CDKL3: variants seen among roughly 807,000 people sequenced by gnomAD.
CDKL3 encodes cyclin dependent kinase like 3, also known as cyclin-dependent kinase-like 3.
In CDKL3, 65 loss-of-function variants were observed where a neutral mutation model predicts 69.3. That is an observed-to-expected ratio of 0.94 (90% CI 0.77 to 1.15). The LOEUF (loss-of-function observed/expected upper bound fraction) is 1.15, where lower values mean the gene tolerates loss of function less well. Among genes scored for constraint, CDKL3 ranks in the 50% most tolerant of loss-of-function variants. The pLI is 0.00. For synonymous variants in CDKL3, 202 were observed against 221.6 expected (o/e 0.91, Z 0.79); for missense variants, 652 against 689.2 (o/e 0.95, Z 0.61).
downstream of CDKL3, chr5:134,298,193 C>G (rs1472347643): frequency 3.2e-5 from 30 of 935,042 alleles, no homozygotes; most frequent in Non-Finnish European, 3.7e-5. Flanking sequence ...CTCAGCCTCC[C>G]AAAGTGTTGG....
At chr5:134,303,675 C>CT (rs1441257267) in intron 11 of CDKL3, among the ~76,000 whole-genome samples, 1 of 151,278 alleles carries the variant, frequency 6.6e-6, no homozygotes. Flanking sequence ...GGAACCCCCC[C>CT]CCCGTCTCTA....
At chr5:134,360,349 C>T (rs1277305734) in intron 2 of CDKL3, among the ~76,000 whole-genome samples, 4 of 151,964 alleles carry the variant, frequency 2.6e-5, no homozygotes, top group Admixed American at 1.3e-4. Context: ...GGATTACAAG[C>T]GTGCACCACC....
chr5:134,350,141 T>C (rs1204355397), intron 4 of CDKL3, 108 bp downstream of exon 4: 24 of 816,118 alleles, frequency 2.9e-5, no homozygotes, highest in Non-Finnish European at 3.5e-5. Flanking sequence ...TGAGCCAAGA[T>C]TGCACCACTG....
chr5:134,337,992 G>T (rs1307802676), intron 4 of CDKL3, among the ~76,000 whole-genome samples: 2 of 152,046 alleles, frequency 1.3e-5, no homozygotes, highest in East Asian at 3.9e-4. Context: ...ACTTTTTGAA[G>T]ACCCCTCATA....
intron 4 of CDKL3, among the ~76,000 whole-genome samples, chr5:134,339,941 C>T (rs1331777473): frequency 6.6e-6 from 1 of 151,954 alleles, no homozygotes; most frequent in Non-Finnish European, 1.5e-5. Flanking sequence ...CACTTGAGTA[C>T]AGGAGTTTGA....
downstream of CDKL3, chr5:134,286,359 C>A: frequency 6.3e-6 from 1 of 159,200 alleles, no homozygotes; most frequent in East Asian, 1.9e-4. Flanking sequence ...TGGTCAAAGC[C>A]ATTCAACAAG....
At chr5:134,368,157 C>A (rs1757877310), upstream of CDKL3, among the ~76,000 whole-genome samples, 1 of 152,248 alleles carries the variant, frequency 6.6e-6, no homozygotes, top group East Asian at 1.9e-4. Flanking sequence ...CACCTCCACA[C>A]CCCTGCCCCA....
At position 134,308,373 on chromosome 5, in the gene CDKL3, C is replaced by CT; in HGVS notation, c.1128dup (p.Glu377ArgfsTer3). 1 of 1,613,840 alleles carries CT rather than the reference C, an allele frequency of 6.2e-7. No individual in the cohort carries two copies. The highest frequency in any genetic ancestry group is 8.5e-7 in the Non-Finnish European group (1 of 1,179,786). On this transcript the variant is annotated frameshift_variant, in exon 9 of 13. Coordinates refer to ENST00000265334, the MANE Select transcript of CDKL3 (RefSeq NM_001113575.2). LOFTEE classifies it high-confidence loss of function. ...TGTTGACCAAGTCCACCTTCATACT[C>CT]TTTCTTTTTTGGTTCTGAGATATCT...
chr5:134,323,606 T>C (rs746362743), intron 4 of CDKL3, among the ~76,000 whole-genome samples: 7 of 152,084 alleles, frequency 4.6e-5, no homozygotes, highest in Non-Finnish European at 7.4e-5. Flanking sequence ...ACAGAGGCAA[T>C]TGAATAATAA....
chr5:134,292,742 A>G (rs1407895864), intron 8 of CDKL3, among the ~76,000 whole-genome samples: 1 of 152,050 alleles, frequency 6.6e-6, no homozygotes, highest in Non-Finnish European at 1.5e-5. Flanking sequence ...ATTATCAATA[A>G]CAGGAATGAT....
At chr5:134,313,599 A>G (rs959036029) in intron 6 of CDKL3, among the ~76,000 whole-genome samples, 2 of 152,152 alleles carry the variant, frequency 1.3e-5, no homozygotes, top group African/African-American at 2.4e-5. Flanking sequence ...ATATAATATT[A>G]TGTTTCTGTT....
At chr5:134,297,724 G>C (rs1034867889), downstream of CDKL3, among the ~76,000 whole-genome samples, 26 of 151,488 alleles carry the variant, frequency 1.7e-4, no homozygotes, top group African/African-American at 6.1e-4. Context: ...TGGGATTACA[G>C]GCATGTGCCA....
At chr5:134,322,085 A>G (rs1392201167) in intron 4 of CDKL3, among the ~76,000 whole-genome samples, 182 bp from the exon 5 acceptor site, 10 of 152,060 alleles carry the variant, frequency 6.6e-5, no homozygotes, top group Non-Finnish European at 1.5e-4. Flanking sequence ...AAGTGCTGCA[A>G]TCTCAGCTCA....
At chr5:134,353,700 C>G in intron 3 of CDKL3, among the ~76,000 whole-genome samples, 1 of 152,152 alleles carries the variant, frequency 6.6e-6, no homozygotes, top group East Asian at 1.9e-4. Context: ...TACAGGACTA[C>G]GGGCATGCGC....
intron 3 of CDKL3, among the ~76,000 whole-genome samples, chr5:134,351,239 G>A (rs1319727929): frequency 6.6e-6 from 1 of 152,020 alleles, no homozygotes; most frequent in Non-Finnish European, 1.5e-5. Flanking sequence ...CTAAAACATA[G>A]GGTCCTTGTC....
intron 5 of CDKL3, among the ~76,000 whole-genome samples, chr5:134,320,087 A>C (rs748406071): frequency 1.5e-4 from 23 of 152,074 alleles, no homozygotes; most frequent in Non-Finnish European, 2.2e-4. Flanking sequence ...ATAGGATTAA[A>C]CCCCACCATC....
intron 2 of CDKL3, among the ~76,000 whole-genome samples, chr5:134,365,965 A>C (rs972885667): frequency 6.6e-6 from 1 of 152,132 alleles, no homozygotes; most frequent in African/African-American, 2.4e-5. Flanking sequence ...ATTCCTTGGC[A>C]TTTATTATGA....
At chr5:134,318,568 C>T (rs986303072) in intron 6 of CDKL3, among the ~76,000 whole-genome samples, 5 of 152,112 alleles carry the variant, frequency 3.3e-5, no homozygotes, top group Non-Finnish European at 7.4e-5. Flanking sequence ...TCACTGCAAC[C>T]TCAGCCTCCC....
At chr5:134,371,455 C>T (rs966205807), upstream of CDKL3, 1 of 1,073,182 alleles carries the variant, frequency 9.3e-7, no homozygotes. Flanking sequence ...GACGTCATTG[C>T]AGGGTTGTTT....
Sources: gnomAD v4.1 joint callset for allele counts (sites outside exome capture counted in the v4.1 genomes callset) on GRCh38, gnomAD v4.1.1 for gene constraint, MANE v1.5 for transcripts, NCBI Gene and HGNC (gene_info 2026-07-23, HGNC 2026-07-21) for gene names.